ROBO2: variants seen among roughly 807,000 people sequenced by gnomAD.
ROBO2 encodes roundabout homolog 2.
In ROBO2, 53 loss-of-function variants were observed where a neutral mutation model predicts 160.8. That is an observed-to-expected ratio of 0.33 (90% CI 0.26 to 0.41). ROBO2 has a LOEUF of 0.41. Ranked by LOEUF, ROBO2 falls within the 10% of genes least tolerant of loss-of-function variation. The probability of loss-of-function intolerance (pLI) is 1.00; values close to 1 mark genes in which losing one functional copy is unlikely to be tolerated. For missense variants in ROBO2, 1,577 were observed against 1,722.4 expected (o/e 0.92, Z 1.49); for synonymous variants, 664 against 611.7 (o/e 1.09, Z -1.26).
At chr3:76,521,348 C>A (rs1004106642) in intron 2 of ROBO2, among the ~76,000 whole-genome samples, 32 of 152,148 alleles carry the variant, frequency 2.1e-4, no homozygotes, top group Admixed American at 1.9e-3. Context: ...CGCGCCTGGC[C>A]CAACAACAAT....
chr3:76,907,523 C>T (rs948284199), intron 2 of ROBO2, among the ~76,000 whole-genome samples: 1 of 152,102 alleles, frequency 6.6e-6, no homozygotes, highest in Non-Finnish European at 1.5e-5. Context: ...TATCCAACAG[C>T]AGATATATGT....
chr3:76,555,358 GAGAAGAAGAAGAAGAAGAAGAAGAAGAA>G (rs2083653827), intron 2 of ROBO2, among the ~76,000 whole-genome samples: 1 of 57,932 alleles, frequency 1.7e-5, no homozygotes, highest in African/African-American at 5.2e-5. Context: ...AGTAGGAAGA[GAGAAGAAGAAGAAGAAGAAGAAGAAGAA>G]GAAGAAGAAG....
chr3:76,834,102 C>CTT (rs1161431322), intron 2 of ROBO2, among the ~76,000 whole-genome samples: 5 of 123,304 alleles, frequency 4.1e-5, no homozygotes, highest in Non-Finnish European at 8.6e-5. Flanking sequence ...TTCTTTCTTT[C>CTT]TTTCTTTCTT....
chr3:77,289,500 A>C (rs981937825), intron 2 of ROBO2, among the ~76,000 whole-genome samples: 2 of 151,994 alleles, frequency 1.3e-5, no homozygotes, highest in African/African-American at 4.8e-5. Flanking sequence ...ATAAAGTAAA[A>C]TTGACGGTTC....
chr3:77,290,126 A>G (rs1266378406), intron 2 of ROBO2, among the ~76,000 whole-genome samples: 3 of 151,944 alleles, frequency 2.0e-5, no homozygotes, highest in Non-Finnish European at 4.4e-5. Context: ...CCAAAGACAT[A>G]AAGTAAAATT....
intron 2 of ROBO2, among the ~76,000 whole-genome samples, chr3:75,982,484 T>C (rs2065306265): frequency 1.3e-5 from 2 of 151,580 alleles, no homozygotes; most frequent in Non-Finnish European, 3.0e-5. Context: ...GGTAAGATAA[T>C]ATCTATTGTA....
chr3:76,519,993 G>A (rs2081521004), intron 2 of ROBO2, among the ~76,000 whole-genome samples: 1 of 151,982 alleles, frequency 6.6e-6, no homozygotes, highest in South Asian at 2.1e-4. Context: ...ATTCACATAG[G>A]GACCCCTTAT....
exon 23 of ROBO2, chr3:77,622,232 T>C: frequency 6.2e-7 from 1 of 1,613,980 alleles, no homozygotes; most frequent in East Asian, 2.2e-5. Flanking sequence ...TCTAGGCACA[T>C]TCAAAGCAAT....
intron 2 of ROBO2, among the ~76,000 whole-genome samples, chr3:77,376,161 T>TTTTA (rs1335059032): frequency 6.8e-6 from 1 of 146,336 alleles, no homozygotes; most frequent in African/African-American, 2.5e-5. Context: ...TTTCTTTTTT[T>TTTTA]TTTTTTTTTT....
At chr3:77,493,107 T>C (rs1249528439) in intron 4 of ROBO2, 137 bp from the exon 5 acceptor site, 2 of 827,130 alleles carry the variant, frequency 2.4e-6, no homozygotes, top group Admixed American at 4.1e-5. Flanking sequence ...AAGGCCTTAT[T>C]AAAACACAGC....
At chr3:76,009,293 C>T (rs538941668) in intron 2 of ROBO2, among the ~76,000 whole-genome samples, 4 of 152,178 alleles carry the variant, frequency 2.6e-5, no homozygotes, top group African/African-American at 9.6e-5. Context: ...TTAGTAGAGA[C>T]GGGGTTTCAC....
At chr3:77,264,898 T>C (rs150138351) in intron 2 of ROBO2, among the ~76,000 whole-genome samples, 2 of 152,324 alleles carry the variant, frequency 1.3e-5, no homozygotes, top group African/African-American at 4.8e-5. Flanking sequence ...TTAAAAGCTA[T>C]AATGCGGCCT....
intron 2 of ROBO2, among the ~76,000 whole-genome samples, chr3:76,555,702 C>A (rs1272435392): frequency 6.6e-6 from 1 of 152,020 alleles, no homozygotes; most frequent in East Asian, 1.9e-4. Context: ...TAATAATTTT[C>A]TAAATGTAAA....
intron 2 of ROBO2, among the ~76,000 whole-genome samples, chr3:76,979,314 T>C (rs2059972319): frequency 6.6e-6 from 1 of 152,106 alleles, no homozygotes; most frequent in South Asian, 2.1e-4. Flanking sequence ...AACCAGCATG[T>C]GAATAATGTT....
chr3:77,323,517 A>C (rs151079273), intron 2 of ROBO2, among the ~76,000 whole-genome samples: 28 of 152,316 alleles, frequency 1.8e-4, no homozygotes, highest in African/African-American at 6.7e-4. Flanking sequence ...AACATGGGCT[A>C]TTTGAGAAAA....
intron 2 of ROBO2, among the ~76,000 whole-genome samples, chr3:77,289,717 G>A (rs572501594): frequency 4.6e-5 from 7 of 151,178 alleles, no homozygotes; most frequent in South Asian, 2.1e-4. Flanking sequence ...TAAAATTGAC[G>A]GTTAAACGGG....
At chr3:76,064,478 C>A (rs568337767) in intron 2 of ROBO2, among the ~76,000 whole-genome samples, 2 of 152,082 alleles carry the variant, frequency 1.3e-5, no homozygotes, top group Non-Finnish European at 2.9e-5. Context: ...GTTCCACTCT[C>A]ATTAGAGAAT....
In ROBO2 at chr3:77,227,650, A is replaced by G. The variant is rs559815013; in HGVS notation, c.388+129310A>G. Among the ~76,000 whole-genome samples, 5 of 152,352 alleles carry G rather than the reference A, an allele frequency of 3.3e-5. No individual in the cohort carries two copies. In the East Asian group the frequency reaches 7.7e-4, roughly 24 times the overall value. On this transcript the variant is annotated intron_variant, in intron 2 of 25. Transcript: ENST00000461745. ...AGCACTCAATGATTCTGCCAGAGAC[A>G]GTGTCTACAAGTGAAAACTTGTTTG... is the stretch of plus-strand genomic sequence containing the variant.
chr3:76,435,517 G>A, intron 2 of ROBO2: 1 of 632,144 alleles, frequency 1.6e-6, no homozygotes. Flanking sequence ...CCTCTACCTT[G>A]GTGCTCTTAA....
Sources: allele counts gnomAD v4.1 joint callset (sites outside exome capture counted in the v4.1 genomes callset), GRCh38; gene constraint gnomAD v4.1.1; transcripts MANE v1.5; gene names NCBI Gene and HGNC (gene_info 2026-07-23, HGNC 2026-07-21).